The following DST variants were observed in gnomAD, a reference collection of about 807,000 sequenced individuals.
DST encodes dystonin.
In DST, 253 loss-of-function variants were observed where a neutral mutation model predicts 875.2. The observed-to-expected ratio is 0.29, with a 90% confidence interval of 0.26 to 0.32. The LOEUF is 0.32. Ranked by LOEUF, DST falls within the 10% of genes least tolerant of loss-of-function variation. The pLI is 1.00. For missense variants in DST, 8,287 were observed against 9,111.6 expected (o/e 0.91, Z 3.68); for synonymous variants, 3,124 against 3,197.1 (o/e 0.98, Z 0.77).
In DST at chr6:56,954,632, G is replaced by A; in HGVS notation, c.-45C>T. 1.6e-6 allele frequency: 2 copies of A among 1,259,298 alleles called. No individual in the cohort carries two copies. Among genetic ancestry groups the A allele is most frequent in the Non-Finnish European group, 2.1e-6 (2 of 969,156 alleles). 78.0% of individuals were successfully genotyped at this position (1,259,298 alleles called of 1,614,324 possible). ...CGACTCGACGGCGGGGCTGGAGGGCGGCGGCACAGGCACCCGCGCTGGGCG... is the reference window on the plus strand; with the variant it reads ...CGACTCGACGGCGGGGCTGGAGGGCAGCGGCACAGGCACCCGCGCTGGGCG... On this transcript the variant is annotated 5_prime_UTR_variant, in exon 1 of 104. Transcript: ENST00000680361.
intron 4 of DST, among the ~76,000 whole-genome samples, chr6:56,785,436 T>C (rs989895777): frequency 1.3e-5 from 2 of 152,106 alleles, no homozygotes; most frequent in African/African-American, 4.8e-5. Context: ...TCCGCCAGCC[T>C]CGCTGCCGCC....
intron 4 of DST, among the ~76,000 whole-genome samples, chr6:56,740,357 A>G (rs1396689252): frequency 2.0e-5 from 3 of 152,174 alleles, no homozygotes; most frequent in Non-Finnish European, 2.9e-5. Context: ...GACACCTGAC[A>G]GAAAGGCAGT....
intron 16 of DST, 62 bp from the exon 17 acceptor site, chr6:56,642,163 T>C: frequency 7.4e-7 from 1 of 1,357,312 alleles, no homozygotes; most frequent in Non-Finnish European, 1.0e-6. Context: ...ACCTGAAATA[T>C]AAAACATCAA....
chr6:56,877,106 T>C (rs750668382), intron 3 of DST, among the ~76,000 whole-genome samples: 1 of 152,236 alleles, frequency 6.6e-6, no homozygotes, highest in Non-Finnish European at 1.5e-5. Flanking sequence ...TAAAAGGCTC[T>C]TACCTAGATA....
intron 3 of DST, among the ~76,000 whole-genome samples, chr6:56,872,832 C>CCCTT (rs5876523): frequency 7.8e-6 from 1 of 127,858 alleles, no homozygotes; most frequent in African/African-American, 2.8e-5. Context: ...TCCCCCCCCC[C>CCCTT]TTTTTTTTTT....
rs535714121 is a variant in DST, at chr6:56,658,148, C to T, written c.1215-6904G>A. 3.9e-5 allele frequency among the ~76,000 whole-genome samples: 6 copies of T among 152,110 alleles called. No homozygotes were observed. The East Asian group carries it at 1.2e-3, about 29-fold the overall frequency. On this transcript the variant is annotated intron_variant, in intron 10 of 103. Transcript: ENST00000680361. ...CGCAATCTCGGCTCACTGCAACCCCCGCCTCCTGGGTTCAAGCGATCCTCC... is the reference window on the plus strand; with the variant it reads ...CGCAATCTCGGCTCACTGCAACCCCTGCCTCCTGGGTTCAAGCGATCCTCC...
chr6:56,824,763 C>T (rs1444924762), intron 4 of DST, among the ~76,000 whole-genome samples: 1 of 151,512 alleles, frequency 6.6e-6, no homozygotes, highest in East Asian at 2.0e-4. Context: ...GGAGTCCCTC[C>T]GCCCGGCAGC....
chr6:56,908,714 G>A (rs550576274), intron 2 of DST, among the ~76,000 whole-genome samples: 8 of 152,258 alleles, frequency 5.3e-5, no homozygotes, highest in East Asian at 1.9e-4. Context: ...CACAAGATAC[G>A]GGTCGTAAAG....
chr6:56,559,553 C>A (rs1392559162), intron 58 of DST, among the ~76,000 whole-genome samples: 1 of 152,094 alleles, frequency 6.6e-6, no homozygotes, highest in Non-Finnish European at 1.5e-5. Context: ...ACTTATATAG[C>A]ACTTGATATG....
intron 4 of DST, among the ~76,000 whole-genome samples, chr6:56,842,580 G>GTT (rs1278293208): frequency 6.6e-6 from 1 of 151,948 alleles, no homozygotes; most frequent in African/African-American, 2.4e-5. Context: ...ATATATCAGA[G>GTT]TAAGTATATA....
At chr6:56,500,439 C>T (rs1024523473) in intron 80 of DST, among the ~76,000 whole-genome samples, 4 of 152,076 alleles carry the variant, frequency 2.6e-5, no homozygotes, top group Non-Finnish European at 5.9e-5. Context: ...ATTTTTTCAA[C>T]TTACTAGCTT....
chr6:56,599,612 T>G (rs1215952341), intron 45 of DST, among the ~76,000 whole-genome samples: 1 of 152,068 alleles, frequency 6.6e-6, no homozygotes, highest in Non-Finnish European at 1.5e-5. Flanking sequence ...GACACCAAAA[T>G]AAAGATATCT....
At position 56,557,485 on chromosome 6, in the gene DST, A is replaced by G. The variant is rs749014320; in HGVS notation, c.14474T>C (p.Ile4825Thr). 3 of 1,613,352 alleles carry G rather than the reference A, an allele frequency of 1.9e-6. No homozygotes were observed. The highest frequency in any genetic ancestry group is 1.1e-5 in the South Asian group (1 of 91,010). ...TTCTTCCAGTTTTTGTTGTCTATCA[A>G]TTGTTAATTGATTGAGTTCTTGCCA... ...SKWQELNQLT[I>T]DRQQKLEESS... Residue 4825 changes from isoleucine (I) to threonine (T), a missense_variant, in exon 59 of 104, where the codon ATT becomes ACT. Coordinates refer to ENST00000680361, the MANE Select transcript of DST (RefSeq NM_001374736.1).
chr6:56,537,718 ACTG>A (rs2097037785), intron 61 of DST, among the ~76,000 whole-genome samples: 1 of 152,082 alleles, frequency 6.6e-6, no homozygotes, highest in Non-Finnish European at 1.5e-5. Flanking sequence ...TCTCTCCCTT[ACTG>A]TCTATCCCAT....
intron 90 of DST, among the ~76,000 whole-genome samples, chr6:56,481,106 A>G (rs1187656639): frequency 1.3e-5 from 2 of 152,192 alleles, no homozygotes; most frequent in South Asian, 2.1e-4. Context: ...TGACATGGCA[A>G]TATTTCATCG....
chr6:56,851,354 A>C, intron 4 of DST, 43 bp downstream of exon 4: 2 of 1,574,140 alleles, frequency 1.3e-6, no homozygotes, highest in Non-Finnish European at 1.7e-6. Context: ...GAATTTCCGC[A>C]ACTCTCTTCC....
intron 79 of DST, 116 bp downstream of exon 79, chr6:56,501,404 T>C (rs976161369): frequency 8.7e-7 from 1 of 1,145,190 alleles, no homozygotes; most frequent in East Asian, 2.7e-5. Flanking sequence ...CTCCTCATGG[T>C]TAAAATAGAA....
chr6:56,552,018 A>G (rs2097333812), intron 61 of DST, among the ~76,000 whole-genome samples, 166 bp downstream of exon 61: 1 of 152,184 alleles, frequency 6.6e-6, no homozygotes, highest in East Asian at 1.9e-4. Flanking sequence ...TGGCCTTGTA[A>G]CTGCCCCACC....
intron 4 of DST, among the ~76,000 whole-genome samples, chr6:56,753,947 C>T (rs903290972): frequency 1.3e-5 from 2 of 152,160 alleles, no homozygotes; most frequent in Non-Finnish European, 2.9e-5. Flanking sequence ...ACAGCATAGC[C>T]AGTGAAATGT....
Sources: allele counts gnomAD v4.1 joint callset (sites outside exome capture counted in the v4.1 genomes callset), GRCh38; gene constraint gnomAD v4.1.1; transcripts MANE v1.5; gene names NCBI Gene and HGNC (gene_info 2026-07-23, HGNC 2026-07-21).